SGCD: variants seen among roughly 807,000 people sequenced by gnomAD.
The protein encoded by SGCD is sarcoglycan delta.
A neutral mutation model predicts 36.6 loss-of-function variants in SGCD; 18 were observed. The observed-to-expected ratio is 0.49, with a 90% CI of 0.34 to 0.73. The LOEUF (loss-of-function observed/expected upper bound fraction) is 0.73, where lower values mean the gene tolerates loss of function less well. Among genes scored for constraint, SGCD ranks in the 30% least tolerant of loss-of-function variants. The pLI is 0.01. For missense variants in SGCD, 387 were observed against 346.7 expected (o/e 1.12, Z -0.92); for synonymous variants, 133 against 130.6 (o/e 1.02, Z -0.12).
intron 6 of SGCD, among the ~76,000 whole-genome samples, chr5:156,646,690 G>T (rs1763238112): frequency 6.6e-6 from 1 of 152,150 alleles, no homozygotes; most frequent in African/African-American, 2.4e-5. Context: ...CCTCAGCTAA[G>T]TTTAATTGAA....
At chr5:156,127,946 T>C (rs1762221262) in intron 3 of SGCD, among the ~76,000 whole-genome samples, 1 of 146,870 alleles carries the variant, frequency 6.8e-6, no homozygotes, top group African/African-American at 2.5e-5. Context: ...AAAGATTTCT[T>C]AGAAAGGACA....
chr5:156,027,193 A>G (rs772157969), intron 1 of SGCD, among the ~76,000 whole-genome samples: 1 of 152,222 alleles, frequency 6.6e-6, no homozygotes, highest in Non-Finnish European at 1.5e-5. Flanking sequence ...TTTTTCAATC[A>G]CAAACAATCC....
intron 1 of SGCD, among the ~76,000 whole-genome samples, chr5:155,987,939 T>G (rs1049775643): frequency 3.3e-5 from 5 of 152,198 alleles, no homozygotes; most frequent in African/African-American, 4.8e-5. Context: ...CTAGCAATTA[T>G]GTATCAGGCC....
intron 1 of SGCD, among the ~76,000 whole-genome samples, chr5:156,029,222 A>T (rs1050112689): frequency 6.6e-6 from 1 of 152,210 alleles, no homozygotes; most frequent in Admixed American, 6.5e-5. Context: ...TGGATTAATA[A>T]TATAAACAAG....
intron 3 of SGCD, among the ~76,000 whole-genome samples, chr5:156,492,410 C>T (rs2127850981): frequency 6.6e-6 from 1 of 152,202 alleles, no homozygotes; most frequent in East Asian, 1.9e-4. Context: ...TAGTTCCAGT[C>T]TAAGTCCAAA....
At chr5:156,452,106 C>G (rs1754047949) in intron 3 of SGCD, among the ~76,000 whole-genome samples, 2 of 152,104 alleles carry the variant, frequency 1.3e-5, no homozygotes, top group African/African-American at 4.8e-5. Flanking sequence ...CTGGTCACCC[C>G]ATGTAGTTGT....
chr5:155,946,373 A>G (rs537548529), intron 1 of SGCD, among the ~76,000 whole-genome samples: 5 of 152,166 alleles, frequency 3.3e-5, no homozygotes, highest in African/African-American at 1.2e-4. Flanking sequence ...TAGGGCAGAG[A>G]CTGAATTTGA....
intron 2 of SGCD, among the ~76,000 whole-genome samples, chr5:156,342,462 C>T (rs759139390): frequency 1.3e-5 from 2 of 152,174 alleles, no homozygotes; most frequent in African/African-American, 2.4e-5. Flanking sequence ...AAATTGCACA[C>T]GTGATTCTAA....
chr5:156,584,211 G>A (rs1760398506), intron 4 of SGCD, among the ~76,000 whole-genome samples: 1 of 151,998 alleles, frequency 6.6e-6, no homozygotes, highest in East Asian at 1.9e-4. Context: ...TTTGCAGAGG[G>A]CCAAATACAC....
At chr5:156,035,894 C>G (rs1442213274) in intron 1 of SGCD, among the ~76,000 whole-genome samples, 1 of 152,066 alleles carries the variant, frequency 6.6e-6, no homozygotes, top group Admixed American at 6.5e-5. Flanking sequence ...AATAGTGATA[C>G]CATCACAAGA....
At chr5:155,768,998 G>A in the SGCD span, among the ~76,000 whole-genome samples, 1 of 152,050 alleles carries the variant, frequency 6.6e-6, no homozygotes, top group African/African-American at 2.4e-5. Context: ...GATAACAACT[G>A]AAAATATCCT....
chr5:156,599,384 A>G lies in SGCD; in HGVS notation c.502+4333A>G, dbSNP rs185152073. 3.5e-3 allele frequency among the ~76,000 whole-genome samples: 526 copies of G among 152,204 alleles called. 4 individuals are homozygous for G. The highest frequency in any genetic ancestry group is 5.9e-3 in the Non-Finnish European group (403 of 68,018). On this transcript the variant is annotated intron_variant, in intron 6 of 8. Transcript: ENST00000337851. ...GTTTCCATTTGTATAGAAAAAGAAAAAAAAATGGAAGGAAGAATGAATGAC... is the reference window on the plus strand; with the variant it reads ...GTTTCCATTTGTATAGAAAAAGAAAGAAAAATGGAAGGAAGAATGAATGAC...
chr5:155,844,704 T>C, the SGCD span, among the ~76,000 whole-genome samples: 2 of 152,096 alleles, frequency 1.3e-5, no homozygotes, highest in Non-Finnish European at 2.9e-5. Flanking sequence ...GGCCATAGAA[T>C]GGAATACCGT....
At chr5:156,282,390 C>G (rs1766476869) in intron 3 of SGCD, among the ~76,000 whole-genome samples, 1 of 152,118 alleles carries the variant, frequency 6.6e-6, no homozygotes, top group South Asian at 2.1e-4. Flanking sequence ...GAGCATCGTA[C>G]CCCTCCCAGC....
chr5:155,936,242 C>G (rs1757196955), intron 1 of SGCD, among the ~76,000 whole-genome samples: 1 of 152,114 alleles, frequency 6.6e-6, no homozygotes, highest in Admixed American at 6.5e-5. Flanking sequence ...CCCTGCCATT[C>G]GACGGGTCCC....
At chr5:156,413,088 C>T (rs371795987) in intron 3 of SGCD, among the ~76,000 whole-genome samples, 4 of 151,832 alleles carry the variant, frequency 2.6e-5, no homozygotes, top group East Asian at 3.9e-4. Flanking sequence ...TGAGCCACCG[C>T]GCCCGGCCGC....
rs995971174 is a variant in SGCD at position 156,185,328 on chromosome 5, T to C, written c.-44+61309T>C. On this transcript the variant is annotated intron_variant, in intron 3 of 9. Transcript: ENST00000517913. ...CTCCCGGGTTCACACCATTCTCCTG[T>C]CTCAGCCTCCCGAGTAGCTGGGACT... Among the ~76,000 whole-genome samples, 102 of 151,204 alleles carry C rather than the reference T, an allele frequency of 6.7e-4. 1 individual carries two copies. Among genetic ancestry groups the C allele is most frequent in the South Asian group, 1.3e-3 (6 of 4,758 alleles).
Position 156,368,843 on chromosome 5 carries a change from C to A in SGCD, c.192+24166C>A, listed in dbSNP as rs150104488. Among the ~76,000 whole-genome samples the A allele has an allele frequency of 2.9e-4, 44 of 152,294 alleles. No individual in the cohort carries two copies. In the East Asian group the frequency reaches 8.5e-3, roughly 29 times the overall value. ...TTGCAGGAAAACAAGCTCAGGGCTC[C>A]CACTGATTCTACATTATGCTGAATT... On this transcript the variant is annotated intron_variant, in intron 3 of 8. Transcript: ENST00000337851.
intron 4 of SGCD, among the ~76,000 whole-genome samples, chr5:156,561,852 G>A (rs561448651): frequency 6.6e-6 from 1 of 152,134 alleles, no homozygotes; most frequent in South Asian, 2.1e-4. Flanking sequence ...TCATGATCTT[G>A]GATAAATTAC....
Sources: allele counts gnomAD v4.1 joint callset (sites outside exome capture counted in the v4.1 genomes callset), GRCh38; gene constraint gnomAD v4.1.1; transcripts MANE v1.5; gene names NCBI Gene and HGNC (gene_info 2026-07-23, HGNC 2026-07-21).